DNHD1: variants seen among roughly 807,000 people sequenced by gnomAD.
DNHD1 encodes the protein dynein heavy chain domain-containing protein 1.
In DNHD1, 383 loss-of-function variants were observed where a neutral mutation model predicts 458.1. The observed-to-expected ratio is 0.84, with a 90% CI of 0.77 to 0.91. The LOEUF (loss-of-function observed/expected upper bound fraction) is 0.91. Ranked by LOEUF, DNHD1 falls within the 40% of genes least tolerant of loss-of-function variation. The pLI, the probability that DNHD1 is intolerant of heterozygous loss-of-function variation, is 0.00. For synonymous variants in DNHD1, 2,203 were observed against 2,376.9 expected (o/e 0.93, Z 2.13); for missense variants, 5,336 against 5,866.1 (o/e 0.91, Z 2.95).
In DNHD1 at chr11:6,498,565, G is replaced by C. The variant is rs1275407370; in HGVS notation, c.350G>C (p.Trp117Ser). 6.2e-7 allele frequency: 1 copy of C among 1,614,202 alleles called. No homozygotes were observed. The highest frequency in any genetic ancestry group is 1.7e-5 in the Admixed American group (1 of 60,020). The change falls in exon 3 of 43, where the codon TGG (tryptophan) becomes TCG (serine). Residue 117 changes from tryptophan to serine, a missense_variant. Physicochemically the swap from Trp to Ser is radical, Grantham distance 177. This residue lies in a region of DNHD1 where 3,932 missense variants were observed against 4,365.6 expected (regional missense o/e 0.90). Transcript: ENST00000254579. ...GAGCAGCTGTACTGCTGGGCACCCT[G>C]GGTCCAAACCCACCTCCATCTGGAC... Reference protein sequence around the residue: ...FLEQLYCWAPWVQTHLHLDLL... With the variant: ...FLEQLYCWAPSVQTHLHLDLL...
chr11:6,554,762 C>T (rs1361744308), intron 24 of DNHD1, among the ~76,000 whole-genome samples: 1 of 152,170 alleles, frequency 6.6e-6, no homozygotes, highest in East Asian at 1.9e-4. Context: ...TAAGTGTTTT[C>T]AAAGATGTAG....
At chr11:6,511,494 C>T (rs1852335112) in intron 7 of DNHD1, 65 bp downstream of exon 7, 2 of 1,577,152 alleles carry the variant, frequency 1.3e-6, no homozygotes, top group Non-Finnish European at 1.7e-6. Flanking sequence ...TTTCAGCCTC[C>T]TCTTAGTTAA....
At chr11:6,511,182 C>T in intron 6 of DNHD1, 91 bp from the exon 7 acceptor site, 1 of 1,482,534 alleles carries the variant, frequency 6.7e-7, no homozygotes. Context: ...AATATTTGTG[C>T]AGTCTGAGGT....
At position 6,566,961 on chromosome 11, in the gene DNHD1, A is replaced by T. The variant is rs1853715507; in HGVS notation, c.11452A>T (p.Asn3818Tyr). ...KRQKPAKFLR[N>Y]IVRAQGKLCQ... ...TCAGAAGCCAGCCAAGTTTCTGCGG[A>T]ACATAGTGAGGGCCCAAGGAAAGCT... Residue 3818 changes from asparagine to tyrosine, a missense_variant, in exon 36 of 43, where the codon AAC (asparagine) becomes TAC (tyrosine). Coordinates refer to ENST00000254579, the MANE Select transcript of DNHD1 (RefSeq NM_144666.3). 2 of 1,613,816 alleles carry T rather than the reference A, an allele frequency of 1.2e-6. No individual in the cohort carries two copies. Among genetic ancestry groups the T allele is most frequent in the Non-Finnish European group, 1.7e-6 (2 of 1,179,868 alleles).
chr11:6,546,358 C>T lies in DNHD1; in HGVS notation c.5419C>T (p.Leu1807=), dbSNP rs188331831. The part of the protein sequence containing the change: ...VRLGYGCLLV[L]RALSSAVPAN... Reference sequence around the variant, plus strand: ...CCTTGGCTATGGCTGTCTCCTGGTACTGCGTGCCCTGAGCTCTGCTGTGCC... The same window carrying T: ...CCTTGGCTATGGCTGTCTCCTGGTATTGCGTGCCCTGAGCTCTGCTGTGCC... Residue 1807 remains leucine (L), a synonymous_variant, in exon 21 of 43, where the codon CTG becomes TTG. Transcript: ENST00000254579. The T allele has an allele frequency of 2.6e-4, 410 of 1,552,286 alleles. No homozygotes were observed. In the African/African-American group the frequency reaches 5.2e-3, roughly 20 times the overall value.
rs550346244 is a variant in DNHD1 at position 6,502,405 on chromosome 11, G to A, written c.747-348G>A. On this transcript the variant is annotated intron_variant, in intron 3 of 42. Coordinates refer to ENST00000254579, the MANE Select transcript of DNHD1 (RefSeq NM_144666.3). ...GTACTGTGGGCTTACAGAGCAATGAGTTGGGAAAATAAAGTCTTCCCATTA... is the reference window on the plus strand; with the variant it reads ...GTACTGTGGGCTTACAGAGCAATGAATTGGGAAAATAAAGTCTTCCCATTA... Among the ~76,000 whole-genome samples the A allele has an allele frequency of 3.3e-5, 5 of 152,324 alleles. No individual in the cohort carries two copies. In the South Asian group the frequency reaches 1.0e-3, roughly 32 times the overall value.
At chr11:6,515,593 TC>T (rs1359461168) in intron 7 of DNHD1, among the ~76,000 whole-genome samples, 2 of 150,054 alleles carry the variant, frequency 1.3e-5, no homozygotes, top group African/African-American at 2.5e-5. Context: ...CTGGGTACTT[TC>T]CCCTTCTCTT....
chr11:6,517,963 T>A (rs966036755), intron 7 of DNHD1, among the ~76,000 whole-genome samples: 3 of 152,210 alleles, frequency 2.0e-5, no homozygotes, highest in African/African-American at 7.2e-5. Context: ...TAAGGGAGAA[T>A]CTGTGGATGG....
Position 6,564,556 on chromosome 11 carries a change from C to A in DNHD1, c.10508C>A (p.Ala3503Asp). The A allele has an allele frequency of 6.4e-7, 1 of 1,551,762 alleles. No homozygotes were observed. The highest frequency in any genetic ancestry group is 2.4e-5 in the East Asian group (1 of 40,918). ...ATACCACCAAAGAACCCCCTGCTGG[C>A]TACACACTCTCCCTTCAGTATTCTG... ...VSIPPKNPLL[A>D]THSPFSILSL... The change falls in exon 32 of 43, where the codon GCT (alanine) becomes GAT (aspartate). Residue 3503 changes from alanine (A) to aspartate (D), a missense_variant. Ala to Asp is a moderately radical substitution (Grantham distance 126). Coordinates refer to ENST00000254579, the MANE Select transcript of DNHD1 (RefSeq NM_144666.3).
intron 33 of DNHD1, 71 bp downstream of exon 33, chr11:6,566,062 A>G: frequency 7.6e-7 from 1 of 1,321,634 alleles, no homozygotes; most frequent in Non-Finnish European, 9.9e-7. Context: ...CAGGCCTCCC[A>G]CACCTCAGTC....
In DNHD1 at chr11:6,566,382, C is replaced by G; in HGVS notation, c.11195C>G (p.Ala3732Gly). Reference sequence around the variant, plus strand: ...CTCAGCACCACCCTCTCCCTCTGTGCCATGGAAAAAGGTGAGGCCCAGAGG... The same window carrying G: ...CTCAGCACCACCCTCTCCCTCTGTGGCATGGAAAAAGGTGAGGCCCAGAGG... ...LYLSTTLSLCAMEKVLGCELL... is the reference protein window; with the variant it reads ...LYLSTTLSLCGMEKVLGCELL... The change falls in exon 34 of 43, where the codon GCC becomes GGC. Residue 3732 changes from alanine (A) to glycine (G), a missense_variant. Physicochemically the swap from Ala to Gly is moderately conservative, Grantham distance 60. This residue lies in a region of DNHD1 where 695 missense variants were observed against 804.2 expected (regional missense o/e 0.86). Transcript: ENST00000254579. 2 of 1,559,104 alleles carry G rather than the reference C, an allele frequency of 1.3e-6. No individual in the cohort carries two copies. Among genetic ancestry groups the G allele is most frequent in the Non-Finnish European group, 1.7e-6 (2 of 1,151,308 alleles).
intron 29 of DNHD1, 81 bp downstream of exon 29, chr11:6,563,212 A>G: frequency 1.3e-6 from 2 of 1,541,590 alleles, no homozygotes; most frequent in Non-Finnish European, 1.8e-6. Context: ...AGAGGAGAGG[A>G]TGGAGTGACT....
intron 4 of DNHD1, among the ~76,000 whole-genome samples, chr11:6,506,321 C>A (rs1852227230): frequency 6.6e-6 from 1 of 152,180 alleles, no homozygotes; most frequent in South Asian, 2.1e-4. Flanking sequence ...CACTTTACTC[C>A]TGTGTTGTAG....
Position 6,533,838 on chromosome 11 carries a change from C to T in DNHD1, c.2663C>T (p.Pro888Leu), listed in dbSNP as rs960033937. 1 of 1,551,346 alleles carries T rather than the reference C, an allele frequency of 6.4e-7. No homozygotes were observed. Among genetic ancestry groups the T allele is most frequent in the Non-Finnish European group, 8.7e-7 (1 of 1,146,908 alleles). The change falls in exon 14 of 43, where the codon CCT becomes CTT. Residue 888 changes from proline (P) to leucine (L), a missense_variant. By Grantham distance (98) the Pro-to-Leu change is moderately conservative. This residue lies in a region of DNHD1 where 3,932 missense variants were observed against 4,365.6 expected (regional missense o/e 0.90). Coordinates refer to ENST00000254579, the MANE Select transcript of DNHD1 (RefSeq NM_144666.3). ...VRRQFGESPIPPCPPPPQPHL... is the reference protein window; with the variant it reads ...VRRQFGESPILPCPPPPQPHL... Reference sequence around the variant, plus strand: ...AGGCAATTCGGGGAGTCACCCATCCCTCCCTGCCCTCCTCCCCCACAACCA... The same window carrying T: ...AGGCAATTCGGGGAGTCACCCATCCTTCCCTGCCCTCCTCCCCCACAACCA...
rs373737043 is a variant in DNHD1 at position 6,571,360 on chromosome 11, C to T, written c.13848C>T (p.Gly4616=). The change falls in exon 42 of 43, where the codon GGC becomes GGT. Residue 4616 remains glycine (G), a synonymous_variant. Transcript: ENST00000254579. This position sits in a 1 kb window ranked among gnomAD's most constrained non-coding sequence, Gnocchi z 5.0. The part of the protein sequence containing the change: ...VPSSNFPGSR[G]SVSSQLQYKR... ...GCTCGAATTTCCCTGGTAGCCGAGG[C>T]TCGGTCTCCAGTCAGCTCCAGTATA... is the stretch of plus-strand genomic sequence containing the variant. 4 of 1,612,350 alleles carry T rather than the reference C, an allele frequency of 2.5e-6. No homozygotes were observed. The highest frequency in any genetic ancestry group is 3.4e-6 in the Non-Finnish European group (4 of 1,179,386).
intron 7 of DNHD1, among the ~76,000 whole-genome samples, chr11:6,513,908 A>G (rs974361981): frequency 3.9e-5 from 6 of 152,090 alleles, no homozygotes; most frequent in South Asian, 4.2e-4. Context: ...CAATGGTGCA[A>G]TCTTGGCTCA....
At chr11:6,556,620 A>T (rs774858490) in intron 24 of DNHD1, 63 bp from the exon 25 acceptor site, 34 of 1,433,938 alleles carry the variant, frequency 2.4e-5, no homozygotes, top group Non-Finnish European at 3.0e-5. Flanking sequence ...GAATAGAGGG[A>T]ACAGGTTGAT....
At position 6,534,084 on chromosome 11, in the gene DNHD1, C is replaced by A. The variant is rs963466933; in HGVS notation, c.2909C>A (p.Thr970Asn). 1.4e-5 allele frequency: 21 copies of A among 1,551,450 alleles called. No homozygotes were observed. The highest frequency in any genetic ancestry group is 3.3e-4 in the Middle Eastern group (2 of 6,014). ...GACCCCACACAAGATCAGAGGAGTA[C>A]TGAGCACCAGCTCGTCTCCCTAGAG... is the stretch of plus-strand genomic sequence containing the variant. Reference protein sequence around the residue: ...FMDPTQDQRSTEHQLVSLERQ... With the variant: ...FMDPTQDQRSNEHQLVSLERQ... Residue 970 changes from threonine to asparagine, a missense_variant, in exon 14 of 43, where the codon ACT (threonine) becomes AAT (asparagine). By Grantham distance (65) the Thr-to-Asn change is moderately conservative (BLOSUM62 0). Coordinates refer to ENST00000254579, the MANE Select transcript of DNHD1 (RefSeq NM_144666.3).
In DNHD1 at chr11:6,498,900, C is replaced by T. The variant is rs751588566; in HGVS notation, c.685C>T (p.Arg229Trp). 1.2e-5 allele frequency: 20 copies of T among 1,613,774 alleles called. No homozygotes were observed. The highest frequency in any genetic ancestry group is 1.2e-4 in the Admixed American group (7 of 59,974). Residue 229 changes from arginine (R) to tryptophan (W), a missense_variant, in exon 3 of 43, where the codon CGG (arginine) becomes TGG (tryptophan). Physicochemically the swap from Arg to Trp is moderately radical, Grantham distance 101. Around this residue, in one of 4 missense-constraint regions of DNHD1, gnomAD observed 3,932 missense variants for 4,365.6 expected, o/e 0.90. Coordinates refer to ENST00000254579, the MANE Select transcript of DNHD1 (RefSeq NM_144666.3). Reference sequence around the variant, plus strand: ...GGCACTGGCAGCGGACATCCCTGTACGGTATGAAAGCAGTGACACTGACAA... The same window carrying T: ...GGCACTGGCAGCGGACATCCCTGTATGGTATGAAAGCAGTGACACTGACAA... ...PLALAADIPVRYESSDTDNAE... is the reference protein window; with the variant it reads ...PLALAADIPVWYESSDTDNAE...
Sources: gnomAD v4.1 joint callset for allele counts (sites outside exome capture counted in the v4.1 genomes callset) on GRCh38, gnomAD v4.1.1 for gene constraint, gnomAD v4.1.1 regional missense constraint, Gnocchi (gnomAD v3.1) non-coding constraint, MANE v1.5 for transcripts, NCBI Gene and HGNC (gene_info 2026-07-23, HGNC 2026-07-21) for gene names.